GTF2A1L: variants seen among roughly 807,000 people sequenced by gnomAD.
GTF2A1L encodes the protein TFIIA-alpha and beta-like factor.
A neutral mutation model predicts 49.7 loss-of-function variants in GTF2A1L; 48 were observed. The ratio of observed to expected loss-of-function variants is 0.97; its 90% CI spans 0.77 to 1.23. The LOEUF is 1.23. Among genes scored for constraint, GTF2A1L ranks in the 50% most tolerant of loss-of-function variants. GTF2A1L has a pLI of 0.00. For synonymous variants in GTF2A1L, 246 were observed against 193.5 expected (o/e 1.27, Z -2.25); for missense variants, 736 against 564.8 (o/e 1.30, Z -3.07).
intron 6 of GTF2A1L, among the ~76,000 whole-genome samples, chr2:48,654,206 T>G (rs1678038536): frequency 6.6e-6 from 1 of 152,204 alleles, no homozygotes; most frequent in Non-Finnish European, 1.5e-5. Context: ...AAGTCCAGTT[T>G]ATTATTTTTA....
At chr2:48,662,164 A>C (rs1389361288) in intron 6 of GTF2A1L, among the ~76,000 whole-genome samples, 1 of 152,230 alleles carries the variant, frequency 6.6e-6, no homozygotes, top group East Asian at 1.9e-4. Flanking sequence ...ACTCGTTTAC[A>C]ACTTTGCCCT....
At chr2:48,634,265 C>T (rs570443032) in intron 3 of GTF2A1L, among the ~76,000 whole-genome samples, 1 of 152,128 alleles carries the variant, frequency 6.6e-6, no homozygotes, top group Non-Finnish European at 1.5e-5. Context: ...GCGAGCATAA[C>T]CACGCCTGGC....
At chr2:48,619,542 G>C (rs1458685614) in intron 1 of GTF2A1L, among the ~76,000 whole-genome samples, 2 of 151,870 alleles carry the variant, frequency 1.3e-5, no homozygotes, top group African/African-American at 4.8e-5. Flanking sequence ...GTATTTAGGA[G>C]TATTTATTTA....
At chr2:48,655,734 T>C (rs1330316369) in intron 6 of GTF2A1L, among the ~76,000 whole-genome samples, 1 of 152,188 alleles carries the variant, frequency 6.6e-6, no homozygotes, top group Non-Finnish European at 1.5e-5. Flanking sequence ...AATTTTTAAC[T>C]GTATAGCTTA....
At chr2:48,630,861 T>G (rs1379162116) in intron 3 of GTF2A1L, among the ~76,000 whole-genome samples, 1 of 152,208 alleles carries the variant, frequency 6.6e-6, no homozygotes, top group Non-Finnish European at 1.5e-5. Context: ...TCCATGTATA[T>G]TGAGATGATC....
intron 6 of GTF2A1L, among the ~76,000 whole-genome samples, chr2:48,666,949 G>A (rs1678879855): frequency 6.6e-6 from 1 of 151,530 alleles, no homozygotes; most frequent in African/African-American, 2.4e-5. Context: ...GTGATGGTTG[G>A]TTTTTGTTGC....
chr2:48,677,338 G>A lies in GTF2A1L; in HGVS notation c.1330-1997G>A, dbSNP rs77717714. Among the ~76,000 whole-genome samples the A allele has an allele frequency of 3.9e-4, 60 of 151,938 alleles. No individual in the cohort carries two copies. In the East Asian group the frequency reaches 0.011, roughly 27 times the overall value. Reference sequence around the variant, plus strand: ...TTGCAATTTTAGATGGAGTGTCTAGGGGGGCCTTATTGAGAATGTAATAGG... The same window carrying A: ...TTGCAATTTTAGATGGAGTGTCTAGAGGGGCCTTATTGAGAATGTAATAGG... On this transcript the variant is annotated intron_variant, in intron 8 of 8. Coordinates refer to ENST00000403751, the MANE Select transcript of GTF2A1L (RefSeq NM_006872.5).
intron 3 of GTF2A1L, among the ~76,000 whole-genome samples, chr2:48,629,996 G>T (rs550771608): frequency 6.9e-6 from 1 of 143,982 alleles, no homozygotes; most frequent in East Asian, 2.0e-4. Context: ...TTGTACTGTT[G>T]CTATGCTGTT....
intron 1 of GTF2A1L, among the ~76,000 whole-genome samples, chr2:48,619,342 C>T (rs918316661): frequency 7.9e-5 from 12 of 151,778 alleles, no homozygotes; most frequent in Admixed American, 4.6e-4. Flanking sequence ...AGGTCGTGCA[C>T]GCCTGTAGTG....
At chr2:48,659,726 G>A (rs11901588) in intron 6 of GTF2A1L, among the ~76,000 whole-genome samples, 32,991 of 151,788 alleles carry the variant, frequency 0.22, 3,696 homozygotes, top group African/African-American at 0.24. Flanking sequence ...ATTCTTTTTG[G>A]TGCTATTGAA....
At chr2:48,664,480 G>A (rs934408636) in intron 6 of GTF2A1L, among the ~76,000 whole-genome samples, 4 of 151,890 alleles carry the variant, frequency 2.6e-5, no homozygotes, top group Admixed American at 6.6e-5. Flanking sequence ...CTAAGATTTC[G>A]TTGTGGATTT....
intron 6 of GTF2A1L, among the ~76,000 whole-genome samples, chr2:48,654,315 A>T (rs1350698503): frequency 2.6e-5 from 4 of 152,180 alleles, no homozygotes; most frequent in African/African-American, 9.7e-5. Flanking sequence ...TAATACTTCT[A>T]AAAACTGTAT....
At chr2:48,656,056 C>A (rs1403753500) in intron 6 of GTF2A1L, among the ~76,000 whole-genome samples, 1 of 152,192 alleles carries the variant, frequency 6.6e-6, no homozygotes, top group Non-Finnish European at 1.5e-5. Flanking sequence ...TATGTATATA[C>A]TGCATTTTGT....
At chr2:48,675,236 C>G (rs1679402039) in intron 8 of GTF2A1L, among the ~76,000 whole-genome samples, 1 of 152,088 alleles carries the variant, frequency 6.6e-6, no homozygotes, top group Non-Finnish European at 1.5e-5. Flanking sequence ...ATTTTAAAGG[C>G]AGGTAGTATC....
chr2:48,630,996 T>C (rs1237514176), intron 3 of GTF2A1L, among the ~76,000 whole-genome samples: 3 of 152,220 alleles, frequency 2.0e-5, no homozygotes, highest in African/African-American at 7.2e-5. Flanking sequence ...AGTTAACTTT[T>C]GATGAGCTGC....
At chr2:48,651,710 A>G (rs1003950701) in intron 6 of GTF2A1L, among the ~76,000 whole-genome samples, 2 of 152,198 alleles carry the variant, frequency 1.3e-5, no homozygotes, top group African/African-American at 4.8e-5. Flanking sequence ...TTCCCAAGAC[A>G]TTTATCAAAA....
chr2:48,644,077 A>T (rs919131022), intron 4 of GTF2A1L, among the ~76,000 whole-genome samples: 2 of 152,182 alleles, frequency 1.3e-5, no homozygotes, highest in African/African-American at 4.8e-5. Flanking sequence ...AGGCTGAGGC[A>T]AAAGGATCAC....
At chr2:48,673,592 T>C (rs6734199) in intron 8 of GTF2A1L, among the ~76,000 whole-genome samples, 34,969 of 151,908 alleles carry the variant, frequency 0.23, 4,164 homozygotes, top group African/African-American at 0.27. Context: ...TGGATCTGAC[T>C]TCGTGATCTA....
chr2:48,670,963 A>G (rs1679134559), intron 7 of GTF2A1L, among the ~76,000 whole-genome samples: 1 of 151,964 alleles, frequency 6.6e-6, no homozygotes, highest in Admixed American at 6.6e-5. Flanking sequence ...AGCTAGGATT[A>G]CAGGCACACC....
Sources: allele counts gnomAD v4.1 joint callset (sites outside exome capture counted in the v4.1 genomes callset), GRCh38; gene constraint gnomAD v4.1.1; transcripts MANE v1.5; gene names NCBI Gene and HGNC (gene_info 2026-07-23, HGNC 2026-07-21).